Variants in ASAP3 observed in about 807,000 individuals in gnomAD.
ASAP3 encodes arf-GAP with SH3 domain, ANK repeat and PH domain-containing protein 3.
ASAP3 carries 85 observed loss-of-function variants against 118.2 expected under a neutral mutation model. The observed-to-expected ratio is 0.72, with a 90% CI of 0.60 to 0.86. The LOEUF is 0.86. Ranked by LOEUF, ASAP3 falls within the 40% of genes least tolerant of loss-of-function variation. The pLI, the probability that ASAP3 is intolerant of heterozygous loss-of-function variation, is 0.00. For synonymous variants in ASAP3, 432 were observed against 477.4 expected, an observed-to-expected ratio of 0.90 and a Z score of 1.24; for missense variants, 1,026 against 1,175.0, an observed-to-expected ratio of 0.87 and a Z score of 1.85.
At chr1:23,441,783 A>C (rs1640882400) in intron 7 of ASAP3, 53 bp from the exon 8 acceptor site, 1 of 1,594,194 alleles carries the variant, frequency 6.3e-7, no homozygotes, top group Non-Finnish European at 8.6e-7. Flanking sequence ...GAAATGAGAG[A>C]TGAAGCCAGA....
intron 5 of ASAP3, among the ~76,000 whole-genome samples, chr1:23,447,833 G>A (rs1641095939): frequency 6.6e-6 from 1 of 152,158 alleles, no homozygotes; most frequent in Non-Finnish European, 1.5e-5. Flanking sequence ...ATGTACTTCA[G>A]CTTTGACAAA....
At chr1:23,449,302 C>T (rs1485287004) in intron 5 of ASAP3, among the ~76,000 whole-genome samples, 1 of 152,074 alleles carries the variant, frequency 6.6e-6, no homozygotes, top group Non-Finnish European at 1.5e-5. Flanking sequence ...CCGCATTGAC[C>T]CTGAAAGGTA....
chr1:23,458,509 G>T lies in ASAP3; in HGVS notation c.130-2315C>A, dbSNP rs142428617. ...AGCTACTTGGGAGGCTGAGGTGGGA[G>T]GATCACCTGAGCCTGGGGAGGTCAA... On this transcript the variant is annotated intron_variant, in intron 1 of 24. Transcript: ENST00000336689. Among the ~76,000 whole-genome samples, 1,356 of 152,168 alleles carry T rather than the reference G, an allele frequency of 8.9e-3. 21 individuals carry two copies. Among genetic ancestry groups the T allele is most frequent in the African/African-American group, 0.031 (1,283 of 41,506 alleles).
intron 1 of ASAP3, among the ~76,000 whole-genome samples, chr1:23,471,909 T>G (rs1220638991): frequency 2.6e-5 from 4 of 152,242 alleles, no homozygotes; most frequent in Non-Finnish European, 5.9e-5. Context: ...GTGTTTGTTT[T>G]TCCTATTTTT....
chr1:23,451,149 C>T (rs1453428888), intron 5 of ASAP3, among the ~76,000 whole-genome samples: 1 of 152,192 alleles, frequency 6.6e-6, no homozygotes, highest in East Asian at 1.9e-4. Flanking sequence ...TCACACATGA[C>T]AGGGTGACTG....
chr1:23,478,999 A>G (rs1230020370), intron 1 of ASAP3, among the ~76,000 whole-genome samples: 1 of 151,912 alleles, frequency 6.6e-6, no homozygotes, highest in Non-Finnish European at 1.5e-5. Flanking sequence ...CTCCCACACC[A>G]TAGGTCTCAA....
Position 23,436,680 on chromosome 1 carries a change from G to A in ASAP3, c.1477-26C>T, listed in dbSNP as rs765507876. The stretch of plus-strand genomic sequence containing the variant: ...CTGGAGTCGTAGGAAAATAGACGTG[G>A]GGCGGAGTAAGACCGGGCGGTTAAG... On this transcript the variant is annotated intron_variant, in intron 15 of 24. Coordinates refer to ENST00000336689, the MANE Select transcript of ASAP3 (RefSeq NM_017707.4). The surrounding 1 kb of genome is among the most constrained non-coding windows in gnomAD (Gnocchi z 4.2). The A allele has an allele frequency of 6.2e-7, 1 of 1,613,492 alleles. No homozygotes were observed.
intron 5 of ASAP3, among the ~76,000 whole-genome samples, chr1:23,444,802 T>C (rs1435745987): frequency 6.6e-6 from 1 of 152,092 alleles, no homozygotes; most frequent in African/African-American, 2.4e-5. Context: ...TTCTCAACCA[T>C]GGAACTGATA....
chr1:23,443,030 T>C (rs781303702), intron 5 of ASAP3, among the ~76,000 whole-genome samples: 1 of 152,194 alleles, frequency 6.6e-6, no homozygotes, highest in African/African-American at 2.4e-5. Flanking sequence ...ATGCAGGGTC[T>C]AATTCACACC....
rs1211868023 is a variant in ASAP3, at chr1:23,435,979, C to T, written c.1621G>A (p.Ala541Thr). ...TGAGGCTCAGGTGTGCACCGGCGTG[C>T]AAACCTATGCTCCACATACTTGGCC... ...IMAKYVEHRFARRCTPEPQRL... is the reference protein window; with the variant it reads ...IMAKYVEHRFTRRCTPEPQRL... Residue 541 changes from alanine (A) to threonine (T), a missense_variant, in exon 17 of 25, where the codon GCA becomes ACA. Physicochemically the swap from Ala to Thr is moderately conservative, Grantham distance 58 (BLOSUM62 0). Coordinates refer to ENST00000336689, the MANE Select transcript of ASAP3 (RefSeq NM_017707.4). 1 of 1,614,128 alleles carries T rather than the reference C, an allele frequency of 6.2e-7. No homozygotes were observed. The highest frequency in any genetic ancestry group is 2.2e-5 in the East Asian group (1 of 44,902).
chr1:23,430,895 C>T (rs1401776601), intron 24 of ASAP3, 140 bp downstream of exon 24: 1 of 810,520 alleles, frequency 1.2e-6, no homozygotes, highest in African/African-American at 1.8e-5. Flanking sequence ...AGGACAGGGA[C>T]TGTCCAAACT....
In ASAP3 at chr1:23,436,449, C is replaced by T. The variant is rs952350122; in HGVS notation, c.1571+111G>A. 7.4e-6 allele frequency: 9 copies of T among 1,210,980 alleles called. No homozygotes were observed. The highest frequency in any genetic ancestry group is 1.1e-5 in the Non-Finnish European group (9 of 844,144). 75.0% of individuals were successfully genotyped at this position (1,210,980 alleles called of 1,614,324 possible). A position where few individuals can be genotyped will look rare whatever the true frequency, so the allele number is the denominator to read the frequency against. ...AAGTGCTGGGATTACAGGCGTGAGC[C>T]ACTGCGCCCAGCCTCCCCAGACTTC... On this transcript the variant is annotated intron_variant, in intron 16 of 24. Transcript: ENST00000336689. The surrounding 1 kb of genome is among the most constrained non-coding windows in gnomAD (Gnocchi z 4.2).
At chr1:23,466,395 G>C (rs192584670) in intron 1 of ASAP3, among the ~76,000 whole-genome samples, 1 of 152,354 alleles carries the variant, frequency 6.6e-6, no homozygotes, top group African/African-American at 2.4e-5. Context: ...ACACATCTTA[G>C]TGTAAGAGAC....
rs1358503365 is a variant in ASAP3 at position 23,441,159 on chromosome 1, T to C, written c.887A>G (p.Gln296Arg). The C allele has an allele frequency of 1.2e-6, 2 of 1,614,228 alleles. No homozygotes were observed. Among genetic ancestry groups the C allele is most frequent in the South Asian group, 2.2e-5 (2 of 91,084 alleles). ...CTCCGTCCCAAACTGCTTGTTGCCT[T>C]GGTGCTGGTGGATGCTATAGCCACA... is the stretch of plus-strand genomic sequence containing the variant. The part of the protein sequence containing the change: ...SGCGYSIHQH[Q>R]GNKQFGTEKV... Residue 296 changes from glutamine to arginine, a missense_variant, in exon 10 of 25, where the codon CAA becomes CGA. Coordinates refer to ENST00000336689, the MANE Select transcript of ASAP3 (RefSeq NM_017707.4).
At chr1:23,441,762 A>C (rs981702762) in intron 7 of ASAP3, 32 bp from the exon 8 acceptor site, 6 of 1,611,744 alleles carry the variant, frequency 3.7e-6, no homozygotes, top group Non-Finnish European at 5.1e-6. Context: ...ACAAGGGTCC[A>C]GATAAAGATG....
intron 5 of ASAP3, among the ~76,000 whole-genome samples, chr1:23,443,923 G>A (rs1459621094): frequency 3.3e-5 from 5 of 151,896 alleles, no homozygotes; most frequent in South Asian, 4.2e-4. Context: ...GGGTTTCACC[G>A]TGTTAGCCAG....
intron 1 of ASAP3, among the ~76,000 whole-genome samples, chr1:23,461,676 C>CAA (rs112475603): frequency 6.3e-4 from 77 of 121,434 alleles, no homozygotes; most frequent in African/African-American, 1.7e-3. Flanking sequence ...CACCCCCCCA[C>CAA]AAAAAAAAAA....
intron 4 of ASAP3, 65 bp downstream of exon 4, chr1:23,452,632 C>T: frequency 3.9e-6 from 6 of 1,546,580 alleles, no homozygotes; most frequent in East Asian, 2.2e-5. Context: ...GCCCTGCCCC[C>T]CAACAGTCTC....
chr1:23,478,653 G>A (rs1047199936), intron 1 of ASAP3, among the ~76,000 whole-genome samples: 3 of 151,986 alleles, frequency 2.0e-5, no homozygotes, highest in South Asian at 4.1e-4. Context: ...CCAGCTACTC[G>A]GGAAGTTGAG....
Sources: gnomAD v4.1 joint callset for allele counts (sites outside exome capture counted in the v4.1 genomes callset) on GRCh38, gnomAD v4.1.1 for gene constraint, Gnocchi (gnomAD v3.1) non-coding constraint, MANE v1.5 for transcripts, NCBI Gene and HGNC (gene_info 2026-07-23, HGNC 2026-07-21) for gene names.